THRB: variants seen among roughly 807,000 people sequenced by gnomAD.
THRB encodes nuclear receptor subfamily 1 group A member 2.
A neutral mutation model predicts 47.8 loss-of-function variants in THRB; 12 were observed. That is an observed-to-expected ratio of 0.25 (90% CI 0.16 to 0.41). The LOEUF is 0.41. Among genes scored for constraint, THRB ranks in the 10% least tolerant of loss-of-function variants. The pLI, the probability that THRB is intolerant of heterozygous loss-of-function variation, is 1.00. For missense variants in THRB, 348 were observed against 589.2 expected (o/e 0.59, Z 4.24); for synonymous variants, 218 against 212.2 (o/e 1.03, Z -0.24).
At chr3:24,351,158 T>A (rs1433551420) in intron 1 of THRB, among the ~76,000 whole-genome samples, 1 of 152,098 alleles carries the variant, frequency 6.6e-6, no homozygotes, top group Non-Finnish European at 1.5e-5. Flanking sequence ...CAGTTTTTTC[T>A]CTTCCCATTG....
At position 24,123,119 on chromosome 3, in the gene THRB, G is replaced by A. The variant is rs1263847441; in HGVS notation, c.1151C>T (p.Pro384Leu). ...TATTCTCTCAACACAGGCAAGCCCCGGGCGATCTGCGGGGAAGAGAGAAGA... is the reference window on the plus strand; with the variant it reads ...TATTCTCTCAACACAGGCAAGCCCCAGGCGATCTGCGGGGAAGAGAGAAGA... Reference protein sequence around the residue: ...QAVLLMSSDRPGLACVERIEK... With the variant: ...QAVLLMSSDRLGLACVERIEK... Residue 384 changes from proline (P) to leucine (L), a missense_variant, in exon 11 of 11, where the codon CCG becomes CTG. Physicochemically the swap from Pro to Leu is moderately conservative, Grantham distance 98. Transcript: ENST00000646209. The A allele has an allele frequency of 3.7e-6, 6 of 1,614,024 alleles. No individual in the cohort carries two copies. The highest frequency in any genetic ancestry group is 1.7e-5 in the Admixed American group (1 of 60,012).
intron 1 of THRB, among the ~76,000 whole-genome samples, chr3:24,404,155 G>A (rs915799465): frequency 2.6e-5 from 4 of 151,888 alleles, no homozygotes; most frequent in Non-Finnish European, 5.9e-5. Flanking sequence ...AATGAAATGT[G>A]TCTACATCTG....
At position 24,458,523 on chromosome 3, in the gene THRB, C is replaced by T. The variant is rs1481265899; in HGVS notation, c.-261+36129G>A. ...GTTAAACATTTTCGATTCTTTCAGT[C>T]CACTCAGTAGGGTCCTAGTTAATGC... is the stretch of plus-strand genomic sequence containing the variant. On this transcript the variant is annotated intron_variant, in intron 1 of 10. Transcript: ENST00000646209. 3 of 152,164 alleles carry T rather than the reference C, an allele frequency of 2.0e-5. No individual in the cohort carries two copies. In the South Asian group the frequency reaches 6.2e-4, roughly 31 times the overall value. 9.4% of individuals were successfully genotyped at this position (152,164 alleles called of 1,614,324 possible).
intron 1 of THRB, among the ~76,000 whole-genome samples, chr3:24,447,296 G>A (rs2072193199): frequency 6.6e-6 from 1 of 152,078 alleles, no homozygotes; most frequent in Non-Finnish European, 1.5e-5. Flanking sequence ...AAGTATGATT[G>A]AATATTTTGT....
chr3:24,473,990 T>C (rs1291878354), intron 1 of THRB, among the ~76,000 whole-genome samples: 1 of 152,096 alleles, frequency 6.6e-6, no homozygotes, highest in Non-Finnish European at 1.5e-5. Context: ...GGGATAGCAT[T>C]AGAAGAAATA....
At chr3:24,393,966 T>C (rs979108861) in intron 1 of THRB, among the ~76,000 whole-genome samples, 1 of 152,146 alleles carries the variant, frequency 6.6e-6, no homozygotes, top group African/African-American at 2.4e-5. Flanking sequence ...ATAAAATATA[T>C]TGAGCTCCCA....
At chr3:24,136,444 G>A (rs1406819015) in intron 8 of THRB, among the ~76,000 whole-genome samples, 2 of 152,118 alleles carry the variant, frequency 1.3e-5, no homozygotes, top group East Asian at 1.9e-4. Flanking sequence ...TCAAGGTTGA[G>A]CAGTGAAACC....
At chr3:24,219,087 T>TGA (rs939423118) in intron 4 of THRB, among the ~76,000 whole-genome samples, 4 of 152,026 alleles carry the variant, frequency 2.6e-5, no homozygotes, top group Admixed American at 6.6e-5. Flanking sequence ...GTCAACATGG[T>TGA]GAGACCCTGT....
chr3:24,447,764 T>C (rs1302163855), intron 1 of THRB, among the ~76,000 whole-genome samples: 1 of 152,034 alleles, frequency 6.6e-6, no homozygotes, highest in East Asian at 2.0e-4. Flanking sequence ...TTTTGGTCCA[T>C]AAAATGTGTC....
intron 1 of THRB, among the ~76,000 whole-genome samples, chr3:24,416,290 G>A (rs1479911923): frequency 1.3e-5 from 2 of 151,748 alleles, no homozygotes; most frequent in Admixed American, 6.6e-5. Context: ...TATCAGGAAG[G>A]CACACAGAAT....
intron 4 of THRB, among the ~76,000 whole-genome samples, chr3:24,197,906 C>T (rs1371890350): frequency 1.3e-5 from 2 of 152,176 alleles, no homozygotes; most frequent in East Asian, 1.9e-4. Flanking sequence ...GTAAACCAAC[C>T]GTGTTTTTAC....
chr3:24,395,258 A>C (rs2066873584), intron 1 of THRB, among the ~76,000 whole-genome samples: 1 of 152,130 alleles, frequency 6.6e-6, no homozygotes, highest in African/African-American at 2.4e-5. Context: ...CAACAAAGAA[A>C]ATATAAAATT....
chr3:24,174,749 G>A (rs971455978), intron 5 of THRB, among the ~76,000 whole-genome samples: 5 of 152,098 alleles, frequency 3.3e-5, no homozygotes, highest in African/African-American at 4.8e-5. Context: ...CCCATGCACT[G>A]TGCTAACCAC....
At chr3:24,404,946 A>G (rs956080826) in intron 1 of THRB, among the ~76,000 whole-genome samples, 3 of 151,978 alleles carry the variant, frequency 2.0e-5, no homozygotes, top group African/African-American at 7.2e-5. Flanking sequence ...GCATTAGTCT[A>G]TAACCTTACC....
At chr3:24,341,032 A>T (rs2062605396) in intron 1 of THRB, among the ~76,000 whole-genome samples, 1 of 150,128 alleles carries the variant, frequency 6.7e-6, no homozygotes, top group African/African-American at 2.5e-5. Context: ...GTTGGTGGAC[A>T]TTTTTTTATT....
chr3:24,175,305 G>C (rs540333781), intron 5 of THRB, among the ~76,000 whole-genome samples: 2 of 152,128 alleles, frequency 1.3e-5, no homozygotes, highest in African/African-American at 2.4e-5. Flanking sequence ...CCAGTGGATG[G>C]AACAGTGCTG....
At chr3:24,462,076 G>C (rs1411576007) in intron 1 of THRB, among the ~76,000 whole-genome samples, 5 of 152,118 alleles carry the variant, frequency 3.3e-5, no homozygotes, top group Non-Finnish European at 7.4e-5. Context: ...TCAACGGTGG[G>C]TGACAAGACA....
chr3:24,269,571 G>T (rs527853280), intron 3 of THRB, among the ~76,000 whole-genome samples: 2 of 151,638 alleles, frequency 1.3e-5, no homozygotes, highest in East Asian at 3.9e-4. Context: ...GACTACAGGT[G>T]TGTGCCACTA....
intron 3 of THRB, among the ~76,000 whole-genome samples, chr3:24,243,471 C>T (rs181472086): frequency 9.2e-5 from 14 of 152,088 alleles, no homozygotes; most frequent in African/African-American, 2.4e-4. Context: ...GGGCCTTTTG[C>T]GTCAGGATTT....
Sources: gnomAD v4.1 joint callset for allele counts (sites outside exome capture counted in the v4.1 genomes callset) on GRCh38, gnomAD v4.1.1 for gene constraint, MANE v1.5 for transcripts, NCBI Gene and HGNC (gene_info 2026-07-23, HGNC 2026-07-21) for gene names.